The following WWC2 variants were observed in gnomAD, a reference collection of about 807,000 sequenced individuals.
The protein encoded by WWC2 is protein WWC2.
A neutral mutation model predicts 138.5 loss-of-function variants in WWC2; 101 were observed. The ratio of observed to expected loss-of-function variants is 0.73; its 90% CI spans 0.62 to 0.86. The LOEUF (loss-of-function observed/expected upper bound fraction) is 0.86. WWC2 is among the 40% of genes least tolerant of loss of function. The probability of loss-of-function intolerance (pLI) is 0.00; values close to 1 mark genes in which losing one functional copy is unlikely to be tolerated. For missense variants in WWC2, 1,420 were observed against 1,419.4 expected (o/e 1.00, Z -0.01); for synonymous variants, 558 against 538.4 (o/e 1.04, Z -0.50).
intron 4 of WWC2, among the ~76,000 whole-genome samples, chr4:183,224,289 T>C (rs1736008796): frequency 6.6e-6 from 1 of 152,330 alleles, no homozygotes; most frequent in East Asian, 1.9e-4. Context: ...CTCTTTTTTA[T>C]TGTAGTAGTA....
intron 1 of WWC2, among the ~76,000 whole-genome samples, chr4:183,125,748 T>C (rs1011946137): frequency 1.3e-5 from 2 of 152,246 alleles, no homozygotes; most frequent in Non-Finnish European, 2.9e-5. Context: ...GTAGGTGTTT[T>C]ATTTATCTTC....
chr4:183,265,580 A>C, intron 12 of WWC2, 108 bp from the exon 13 acceptor site: 1 of 1,091,026 alleles, frequency 9.2e-7, no homozygotes, highest in South Asian at 1.4e-5. Context: ...AGGGCATAGG[A>C]GTGCTGTTAA....
At chr4:183,260,886 T>C (rs1737299934) in intron 10 of WWC2, 24 bp from the exon 11 acceptor site, 1 of 1,609,760 alleles carries the variant, frequency 6.2e-7, no homozygotes, top group East Asian at 2.2e-5. Flanking sequence ...ACAGATTTTA[T>C]GGTGTGTGCT....
chr4:183,130,525 G>C (rs941302924), intron 1 of WWC2, among the ~76,000 whole-genome samples: 11 of 152,216 alleles, frequency 7.2e-5, no homozygotes, highest in African/African-American at 2.7e-4. Flanking sequence ...ACAGGGCACT[G>C]ATTATGTACT....
intron 1 of WWC2, among the ~76,000 whole-genome samples, chr4:183,181,545 G>A (rs1474111736): frequency 2.0e-5 from 3 of 152,112 alleles, no homozygotes; most frequent in Non-Finnish European, 2.9e-5. Flanking sequence ...TACTGTAAAT[G>A]TATTTCTTTT....
intron 4 of WWC2, among the ~76,000 whole-genome samples, chr4:183,237,875 C>G (rs1430174176): frequency 1.3e-5 from 2 of 151,416 alleles, no homozygotes; most frequent in Non-Finnish European, 1.5e-5. Flanking sequence ...CTTTTTTTTT[C>G]CTCTTACATC....
At chr4:183,112,002 C>G (rs564159224) in intron 1 of WWC2, among the ~76,000 whole-genome samples, 1 of 152,066 alleles carries the variant, frequency 6.6e-6, no homozygotes, top group African/African-American at 2.4e-5. Context: ...CCAGCCAGAT[C>G]ATTTACTTTT....
chr4:183,172,321 G>A (rs972107412), intron 1 of WWC2, among the ~76,000 whole-genome samples: 1 of 152,106 alleles, frequency 6.6e-6, no homozygotes, highest in Non-Finnish European at 1.5e-5. Flanking sequence ...ATGTCTTCCA[G>A]TTTTCTTGGT....
At chr4:183,229,156 C>T (rs572575871) in intron 4 of WWC2, among the ~76,000 whole-genome samples, 6 of 152,148 alleles carry the variant, frequency 3.9e-5, no homozygotes, top group African/African-American at 1.2e-4. Context: ...GTTGCTACTT[C>T]GAGGACACTC....
chr4:183,142,750 T>C (rs1397556477), intron 1 of WWC2, among the ~76,000 whole-genome samples: 2 of 152,226 alleles, frequency 1.3e-5, no homozygotes, highest in Non-Finnish European at 2.9e-5. Flanking sequence ...AGCCCTGGAC[T>C]AGAGCCATGT....
At chr4:183,172,132 C>T (rs952804008) in intron 1 of WWC2, among the ~76,000 whole-genome samples, 1 of 152,170 alleles carries the variant, frequency 6.6e-6, no homozygotes, top group Non-Finnish European at 1.5e-5. Context: ...TCAGTACATT[C>T]CAACACACTG....
chr4:183,302,299 G>A (rs1299114908), intron 21 of WWC2, among the ~76,000 whole-genome samples: 1 of 152,204 alleles, frequency 6.6e-6, no homozygotes, highest in African/African-American at 2.4e-5. Context: ...AAAGGTGTCT[G>A]AAGCAGTGGA....
chr4:183,308,346 GTTA>G lies in WWC2; in HGVS notation c.3385-3990_3385-3988del, dbSNP rs531694989. Among the ~76,000 whole-genome samples the G allele has an allele frequency of 9.7e-4, 148 of 152,258 alleles. 2 individuals are homozygous for G. The highest frequency in any genetic ancestry group is 3.4e-3 in the African/African-American group (141 of 41,552). Reference sequence around the variant, plus strand: ...GCAGTTCCACTCAAAATCCCATCAAGTTATTATGTAATAGTCAAACTGATTCTA... The same window carrying G: ...GCAGTTCCACTCAAAATCCCATCAAGTTATGTAATAGTCAAACTGATTCTA... On this transcript the variant is annotated intron_variant, in intron 21 of 22. Transcript: ENST00000403733.
At chr4:183,111,718 G>A (rs1732238344) in intron 1 of WWC2, among the ~76,000 whole-genome samples, 1 of 148,234 alleles carries the variant, frequency 6.7e-6, no homozygotes, top group South Asian at 2.1e-4. Context: ...TTTTGATACC[G>A]GGTCTCACTC....
chr4:183,244,887 G>A (rs1249880423), intron 5 of WWC2, among the ~76,000 whole-genome samples: 1 of 152,024 alleles, frequency 6.6e-6, no homozygotes, highest in African/African-American at 2.4e-5. Context: ...ACAGATTGAA[G>A]GCAAAAAGAC....
chr4:183,253,522 T>A (rs1396570024), intron 8 of WWC2, among the ~76,000 whole-genome samples: 2 of 152,048 alleles, frequency 1.3e-5, no homozygotes, highest in Non-Finnish European at 2.9e-5. Context: ...TCACTCACAT[T>A]TTAAAGATGG....
chr4:183,265,111 A>G lies in WWC2; in HGVS notation c.2039+4A>G. On this transcript the variant is annotated splice_donor_region_variant and intron_variant, in intron 12 of 22. Coordinates refer to ENST00000403733, the MANE Select transcript of WWC2 (RefSeq NM_024949.6). Reference sequence around the variant, plus strand: ...TCTATGAAGCTTTCGTGAAACAGTAAGGATTCAGCAGGGGCGCTTTTAGCT... The same window carrying G: ...TCTATGAAGCTTTCGTGAAACAGTAGGGATTCAGCAGGGGCGCTTTTAGCT... 6.2e-7 allele frequency: 1 copy of G among 1,600,818 alleles called. No homozygotes were observed. The highest frequency in any genetic ancestry group is 8.5e-7 in the Non-Finnish European group (1 of 1,173,574).
At chr4:183,123,301 A>G (rs1355234967) in intron 1 of WWC2, among the ~76,000 whole-genome samples, 1 of 152,192 alleles carries the variant, frequency 6.6e-6, no homozygotes, top group Non-Finnish European at 1.5e-5. Context: ...TTAATTACAG[A>G]GTGCTATACA....
rs529558832 is a variant in WWC2, at chr4:183,283,450, T to C, written c.2883+544T>C. On this transcript the variant is annotated intron_variant, in intron 18 of 22. Transcript: ENST00000403733. ...GGAAAATATTTTCAAGCTTCATGGATGCTCACACACTGGGGATATTGGTAG... is the reference window on the plus strand; with the variant it reads ...GGAAAATATTTTCAAGCTTCATGGACGCTCACACACTGGGGATATTGGTAG... Among the ~76,000 whole-genome samples the C allele has an allele frequency of 1.7e-4, 26 of 152,306 alleles. No individual in the cohort carries two copies. In the South Asian group the frequency reaches 1.9e-3, roughly 11 times the overall value.
Sources: gnomAD v4.1 joint callset for allele counts (sites outside exome capture counted in the v4.1 genomes callset) on GRCh38, gnomAD v4.1.1 for gene constraint, MANE v1.5 for transcripts, NCBI Gene and HGNC (gene_info 2026-07-23, HGNC 2026-07-21) for gene names.